MYBL2: variants seen among roughly 807,000 people sequenced by gnomAD.
MYBL2 encodes the protein MYB proto-oncogene like 2.
In MYBL2, 28 loss-of-function variants were observed where a neutral mutation model predicts 79.9. The ratio of observed to expected loss-of-function variants is 0.35; its 90% CI spans 0.26 to 0.48. The LOEUF is 0.48. Ranked by LOEUF, MYBL2 falls within the 20% of genes least tolerant of loss-of-function variation. MYBL2 has a pLI of 0.99. For missense variants in MYBL2, 735 were observed against 893.9 expected (o/e 0.82, Z 2.27); for synonymous variants, 378 against 361.2 (o/e 1.05, Z -0.53).
At chr20:43,681,961 GCC>G (rs1322935943) in intron 3 of MYBL2, 106 bp downstream of exon 3, 2 of 1,198,540 alleles carry the variant, frequency 1.7e-6, no homozygotes, top group Admixed American at 4.3e-5. Flanking sequence ...TCCTTACTCA[GCC>G]CCTGAAAACA....
rs770688781 is a variant in MYBL2, at chr20:43,699,773, A to G, written c.680A>G (p.Asn227Ser). 9.3e-6 allele frequency: 15 copies of G among 1,614,006 alleles called. No individual in the cohort carries two copies. The highest frequency in any genetic ancestry group is 1.2e-5 in the Non-Finnish European group (14 of 1,180,030). The change falls in exon 7 of 14, where the codon AAC becomes AGC. Residue 227 changes from asparagine (N) to serine (S), a missense_variant. Asn to Ser is a conservative substitution (Grantham distance 46, BLOSUM62 1). Coordinates refer to ENST00000217026, the MANE Select transcript of MYBL2 (RefSeq NM_002466.4). ...GTCTTACAGGGAAGTCTTCTGACCA[A>G]CTGGCCCTCCGTCCCTCCTACCATA... ...PTEGQGSLLT[N>S]WPSVPPTIKE... is the part of the protein sequence containing the mutation.
At chr20:43,693,676 T>C (rs1052161300) in intron 6 of MYBL2, among the ~76,000 whole-genome samples, 10 of 152,208 alleles carry the variant, frequency 6.6e-5, no homozygotes, top group South Asian at 2.1e-4. Flanking sequence ...TATATACTTA[T>C]GTTAACATCC....
chr20:43,708,040 A>T (rs1478505771), intron 9 of MYBL2, among the ~76,000 whole-genome samples: 1 of 152,158 alleles, frequency 6.6e-6, no homozygotes. Context: ...TCTGATTTAC[A>T]GAGCTGCATT....
At chr20:43,696,807 A>G (rs1174751485) in intron 6 of MYBL2, among the ~76,000 whole-genome samples, 4 of 152,258 alleles carry the variant, frequency 2.6e-5, no homozygotes, top group Admixed American at 2.0e-4. Context: ...GCTCACTGCA[A>G]CCTCCGCCTC....
At chr20:43,679,370 T>A (rs1309363908) in intron 2 of MYBL2, among the ~76,000 whole-genome samples, 1 of 152,188 alleles carries the variant, frequency 6.6e-6, no homozygotes, top group African/African-American at 2.4e-5. Flanking sequence ...CCCCTTTTCC[T>A]CCCCCTTAAA....
At chr20:43,705,580 T>A (rs1435867329) in intron 9 of MYBL2, among the ~76,000 whole-genome samples, 1 of 152,228 alleles carries the variant, frequency 6.6e-6, no homozygotes, top group Non-Finnish European at 1.5e-5. Context: ...ATTTTTTAAT[T>A]TGATAGTTTC....
At chr20:43,678,443 G>C (rs1034732217) in intron 2 of MYBL2, among the ~76,000 whole-genome samples, 5 of 152,290 alleles carry the variant, frequency 3.3e-5, no homozygotes, top group East Asian at 3.9e-4. Context: ...AGGTTAGCTT[G>C]GTTTTTGGAT....
intron 6 of MYBL2, among the ~76,000 whole-genome samples, chr20:43,696,972 G>A (rs188088195): frequency 0.011 from 1,682 of 152,336 alleles, 32 homozygotes; most frequent in African/African-American, 0.038. Flanking sequence ...TGATCTCCCC[G>A]CCTCAGTCTC....
chr20:43,669,909 T>A (rs544030209), intron 1 of MYBL2, among the ~76,000 whole-genome samples: 50 of 152,294 alleles, frequency 3.3e-4, no homozygotes, highest in Middle Eastern at 3.4e-3. Flanking sequence ...CAAGACCAGC[T>A]TGACCAATAT....
rs578077654 is a variant in MYBL2, at chr20:43,710,556, A to G, written c.1605+494A>G. ...TGGGATGGTTGTGTTTTCTCTATGA[A>G]AAAAGGAGTTGGCACCTTGGGCTTT... On this transcript the variant is annotated intron_variant, in intron 10 of 13. Coordinates refer to ENST00000217026, the MANE Select transcript of MYBL2 (RefSeq NM_002466.4). Among the ~76,000 whole-genome samples the G allele has an allele frequency of 4.6e-5, 7 of 152,278 alleles. No individual in the cohort carries two copies. In the South Asian group the frequency reaches 6.2e-4, roughly 14 times the overall value.
chr20:43,695,563 C>A (rs1486080221), intron 6 of MYBL2, among the ~76,000 whole-genome samples: 1 of 152,096 alleles, frequency 6.6e-6, no homozygotes, highest in Non-Finnish European at 1.5e-5. Context: ...GTGGGGGGAA[C>A]CCTTTTGGCT....
chr20:43,689,888 G>T (rs577341375), intron 5 of MYBL2, among the ~76,000 whole-genome samples: 2 of 152,300 alleles, frequency 1.3e-5, no homozygotes, highest in African/African-American at 4.8e-5. Context: ...TGGGGAGTGG[G>T]AGGGCTGGGG....
chr20:43,700,090 C>G, intron 7 of MYBL2, 46 bp downstream of exon 7: 1 of 1,588,966 alleles, frequency 6.3e-7, no homozygotes, highest in Non-Finnish European at 8.6e-7. Context: ...ACACCCCCAG[C>G]AGGAAGTGCT....
intron 2 of MYBL2, among the ~76,000 whole-genome samples, chr20:43,675,701 C>CTT (rs1986990139): frequency 1.3e-5 from 2 of 152,098 alleles, no homozygotes; most frequent in East Asian, 3.9e-4. Flanking sequence ...TGTGGTCAGG[C>CTT]TTCCCCAGCT....
intron 7 of MYBL2, among the ~76,000 whole-genome samples, chr20:43,700,413 A>G (rs1287741723): frequency 6.6e-6 from 1 of 152,150 alleles, no homozygotes; most frequent in Non-Finnish European, 1.5e-5. Flanking sequence ...GGTCTCCCTG[A>G]AGAGGAGCCC....
chr20:43,679,496 T>G (rs1987095538), intron 2 of MYBL2, among the ~76,000 whole-genome samples: 1 of 152,102 alleles, frequency 6.6e-6, no homozygotes, highest in Admixed American at 6.6e-5. Context: ...AGGCTGAGTG[T>G]GGTGGTTTAT....
Position 43,696,326 on chromosome 20 carries a change from C to T in MYBL2, c.664-3431C>T, listed in dbSNP as rs1055024832. On this transcript the variant is annotated intron_variant, in intron 6 of 13. Coordinates refer to ENST00000217026, the MANE Select transcript of MYBL2 (RefSeq NM_002466.4). ...TATGATCTTGGCTCACCGCAACCTC[C>T]GCCTCCCGGGTTCAAGCGATTCTCC... Among the ~76,000 whole-genome samples the T allele has an allele frequency of 4.6e-5, 7 of 152,062 alleles. No individual in the cohort carries two copies. In the East Asian group the frequency reaches 5.8e-4, roughly 13 times the overall value.
intron 2 of MYBL2, among the ~76,000 whole-genome samples, chr20:43,674,931 T>G (rs1986968861): frequency 6.6e-6 from 1 of 152,242 alleles, no homozygotes; most frequent in African/African-American, 2.4e-5. Flanking sequence ...TATTTTATAA[T>G]AAATGTGATT....
chr20:43,693,100 T>C (rs919790792), intron 6 of MYBL2, among the ~76,000 whole-genome samples: 3 of 152,184 alleles, frequency 2.0e-5, no homozygotes, highest in Admixed American at 6.5e-5. Flanking sequence ...GGGTGTGATC[T>C]TGGCTCACTG....
Sources: gnomAD v4.1 joint callset for allele counts (sites outside exome capture counted in the v4.1 genomes callset) on GRCh38, gnomAD v4.1.1 for gene constraint, MANE v1.5 for transcripts, NCBI Gene and HGNC (gene_info 2026-07-23, HGNC 2026-07-21) for gene names.